REV3L: variants seen among roughly 807,000 people sequenced by gnomAD.
The protein encoded by REV3L is REV3 like, DNA directed polymerase zeta catalytic subunit, also known as DNA polymerase zeta catalytic subunit.
Under a neutral mutation model 299.4 loss-of-function variants are expected in REV3L, and 69 were observed. That is an observed-to-expected ratio of 0.23 (90% CI 0.19 to 0.28). REV3L has a LOEUF of 0.28. Among genes scored for constraint, REV3L ranks in the 10% least tolerant of loss-of-function variants. The pLI is 1.00. For synonymous variants in REV3L, 1,238 were observed against 1,271.4 expected (o/e 0.97, Z 0.56); for missense variants, 3,128 against 3,693.8 (o/e 0.85, Z 3.97).
intron 11 of REV3L, among the ~76,000 whole-genome samples, chr6:111,378,846 C>T (rs906163156): frequency 6.6e-6 from 1 of 152,160 alleles, no homozygotes; most frequent in Non-Finnish European, 1.5e-5. Context: ...ATTCTCCATT[C>T]AAAAGTTCTT....
At chr6:111,433,100 G>T (rs543309578) in intron 1 of REV3L, among the ~76,000 whole-genome samples, 2 of 152,062 alleles carry the variant, frequency 1.3e-5, no homozygotes, top group South Asian at 4.1e-4. Context: ...AAAGTAGAAA[G>T]ACTTCAAATA....
intron 25 of REV3L, 124 bp from the exon 26 acceptor site, chr6:111,322,802 AAAG>A (rs1293020603): frequency 1.8e-5 from 13 of 703,276 alleles, no homozygotes; most frequent in Non-Finnish European, 3.1e-5. Flanking sequence ...AGAACGTAAA[AAAG>A]AAATCAAAAT....
At position 111,307,511 on chromosome 6, in the gene REV3L, T is replaced by C; in HGVS notation, c.9102A>G (p.Ser3034=). The C allele has an allele frequency of 6.2e-7, 1 of 1,614,230 alleles. No individual in the cohort carries two copies. Among genetic ancestry groups the C allele is most frequent in the Non-Finnish European group, 8.5e-7 (1 of 1,180,034 alleles). The change falls in exon 31 of 32, where the codon TCA becomes TCG. Residue 3034 remains serine (S), a synonymous_variant. Coordinates refer to ENST00000368802, the MANE Select transcript of REV3L (RefSeq NM_001372078.1). The stretch of plus-strand genomic sequence containing the variant: ...GACAGTGTAAGGTAGTAAAATATTG[T>C]GAAATAGTGCCTTTCCGCCCTTCAG... ...SEPEGRKGTI[S]QYFTTLHCPV... is the part of the protein sequence containing the mutation.
At chr6:111,468,109 A>G (rs1791728754) in intron 1 of REV3L, among the ~76,000 whole-genome samples, 1 of 152,176 alleles carries the variant, frequency 6.6e-6, no homozygotes, top group Non-Finnish European at 1.5e-5. Flanking sequence ...CCAAACCTAG[A>G]AGAGGAAAAA....
chr6:111,474,115 AT>A (rs888863929), intron 1 of REV3L, among the ~76,000 whole-genome samples: 2 of 152,202 alleles, frequency 1.3e-5, no homozygotes, highest in African/African-American at 2.4e-5. Flanking sequence ...TATGGTAGAT[AT>A]TTTTTGACAC....
intron 1 of REV3L, among the ~76,000 whole-genome samples, chr6:111,438,614 A>G (rs1156782735): frequency 6.6e-6 from 1 of 152,178 alleles, no homozygotes; most frequent in Non-Finnish European, 1.5e-5. Context: ...ATGACAAAAA[A>G]ACAATTTAAT....
intron 9 of REV3L, among the ~76,000 whole-genome samples, chr6:111,382,461 T>C (rs915363464): frequency 1.3e-5 from 2 of 152,130 alleles, no homozygotes; most frequent in African/African-American, 4.8e-5. Context: ...TGCTACCCTG[T>C]CACAGTGGAA....
chr6:111,430,847 A>G, intron 1 of REV3L: 1 of 1,607,340 alleles, frequency 6.2e-7, no homozygotes, highest in Non-Finnish European at 8.5e-7. Context: ...CAAATTGGAA[A>G]GAAGAAAACC....
At chr6:111,468,377 A>G (rs970400586) in intron 1 of REV3L, among the ~76,000 whole-genome samples, 6 of 152,220 alleles carry the variant, frequency 3.9e-5, no homozygotes, top group Non-Finnish European at 7.3e-5. Context: ...TTGGAACTCA[A>G]TTTACAGATG....
chr6:111,349,016 A>C, intron 20 of REV3L: 1 of 390,856 alleles, frequency 2.6e-6, no homozygotes, highest in South Asian at 5.7e-5. Context: ...AAGAAAAAAA[A>C]AAAAACTCAC....
At chr6:111,483,320 C>G (rs917588774), upstream of REV3L, 1 of 440,080 alleles carries the variant, frequency 2.3e-6, no homozygotes, top group East Asian at 4.0e-5. Context: ...AGCGAGAGGG[C>G]GGGCGCCCGG....
intron 5 of REV3L, among the ~76,000 whole-genome samples, chr6:111,391,628 T>C (rs1342310813): frequency 6.6e-6 from 1 of 152,206 alleles, no homozygotes. Flanking sequence ...AGAAAAAATA[T>C]TTCTCAATAT....
rs893777578 is a variant in REV3L, at chr6:111,372,791, G to A, written c.5564C>T (p.Ser1855Leu). ...TGAAGGAGAGCTAGTAGATCTTGGT[G>A]AACTATCAGGAGTTGGTGTCAACAT... is the stretch of plus-strand genomic sequence containing the variant. ...NDMLTPTPDS[S>L]PRSTSSPSQS... is the part of the protein sequence containing the mutation. The change falls in exon 13 of 32, where the codon TCA (serine) becomes TTA (leucine). Residue 1855 changes from serine (S) to leucine (L), a missense_variant. Physicochemically the swap from Ser to Leu is moderately radical, Grantham distance 145 (BLOSUM62 -2). Coordinates refer to ENST00000368802, the MANE Select transcript of REV3L (RefSeq NM_001372078.1). 1.3e-5 allele frequency: 21 copies of A among 1,612,792 alleles called. No homozygotes were observed. The highest frequency in any genetic ancestry group is 1.8e-5 in the Non-Finnish European group (21 of 1,179,484).
At chr6:111,445,200 G>A (rs981167146) in intron 1 of REV3L, among the ~76,000 whole-genome samples, 1 of 152,144 alleles carries the variant, frequency 6.6e-6, no homozygotes, top group South Asian at 2.1e-4. Flanking sequence ...AAGAATGCAG[G>A]TGGCAACAAT....
chr6:111,479,370 A>C (rs1446938573), intron 1 of REV3L, among the ~76,000 whole-genome samples: 1 of 152,192 alleles, frequency 6.6e-6, no homozygotes, highest in Non-Finnish European at 1.5e-5. Flanking sequence ...ATGGAGAGGA[A>C]ATTTGTTTTT....
At chr6:111,378,747 A>G (rs1287164494) in intron 11 of REV3L, among the ~76,000 whole-genome samples, 2 of 152,218 alleles carry the variant, frequency 1.3e-5, no homozygotes, top group African/African-American at 4.8e-5. Context: ...GTAGCTATAC[A>G]GAGCAGGTTG....
At chr6:111,303,811 C>T in intron 31 of REV3L, among the ~76,000 whole-genome samples, 1 of 141,134 alleles carries the variant, frequency 7.1e-6, no homozygotes, top group Non-Finnish European at 1.5e-5. Flanking sequence ...CCTCTGCCTC[C>T]TGGGTTCAAG....
At chr6:111,397,664 G>A (rs1209595744) in intron 4 of REV3L, among the ~76,000 whole-genome samples, 1 of 152,034 alleles carries the variant, frequency 6.6e-6, no homozygotes, top group Non-Finnish European at 1.5e-5. Context: ...TTGAGACAGT[G>A]TCTTGTTCTG....
At chr6:111,389,065 C>A in intron 7 of REV3L, 41 bp downstream of exon 7, 1 of 1,424,694 alleles carries the variant, frequency 7.0e-7, no homozygotes. Flanking sequence ...CATTAAAATA[C>A]TTGATTTAAA....
Sources: gnomAD v4.1 joint callset for allele counts (sites outside exome capture counted in the v4.1 genomes callset) on GRCh38, gnomAD v4.1.1 for gene constraint, MANE v1.5 for transcripts, NCBI Gene and HGNC (gene_info 2026-07-23, HGNC 2026-07-21) for gene names.